NUBP1: variants seen among roughly 807,000 people sequenced by gnomAD.
The protein encoded by NUBP1 is cytosolic Fe-S cluster assembly factor NUBP1.
Under a neutral mutation model 41.8 loss-of-function variants are expected in NUBP1, and 46 were observed. That is an observed-to-expected ratio of 1.10 (90% CI 0.87 to 1.41). The LOEUF (loss-of-function observed/expected upper bound fraction) is 1.41, where lower values mean the gene tolerates loss of function less well. Among genes scored for constraint, NUBP1 ranks in the 40% most tolerant of loss-of-function variants. NUBP1 has a pLI of 0.00. For synonymous variants in NUBP1, 189 were observed against 154.6 expected (o/e 1.22, Z -1.65); for missense variants, 494 against 414.0 (o/e 1.19, Z -1.68).
intron 7 of NUBP1, among the ~76,000 whole-genome samples, chr16:10,758,714 G>A (rs960330622): frequency 6.6e-6 from 1 of 152,110 alleles, no homozygotes; most frequent in South Asian, 2.1e-4. Flanking sequence ...TGGATTTTCC[G>A]TTTACATCCC....
In NUBP1 at chr16:10,768,941, C is replaced by T; in HGVS notation, c.905-106C>T. ...ACACAGGTCTTTTTATGGAACTAGCCAGAGGATTCCACCCCTGTCAAAACA... is the reference window on the plus strand; with the variant it reads ...ACACAGGTCTTTTTATGGAACTAGCTAGAGGATTCCACCCCTGTCAAAACA... On this transcript the variant is annotated intron_variant, in intron 10 of 10. Transcript: ENST00000283027. The surrounding 1 kb of genome is among the most constrained non-coding windows in gnomAD (Gnocchi z 4.3). 1.0e-6 allele frequency: 1 copy of T among 966,374 alleles called. No homozygotes were observed. Among genetic ancestry groups the T allele is most frequent in the South Asian group, 1.4e-5 (1 of 70,618 alleles). 59.9% of individuals were successfully genotyped at this position (966,374 alleles called of 1,614,324 possible).
rs1317248269 is a variant in NUBP1 at position 10,743,942 on chromosome 16, T to C, written c.20-19T>C. ...AAAGTGTCGGGAGCTGCTCTAACTG[T>C]GGTCTTGTCTCTGCGCAGACTGTCC... On this transcript the variant is annotated intron_variant, in intron 1 of 10. Coordinates refer to ENST00000283027, the MANE Select transcript of NUBP1 (RefSeq NM_002484.4). 1 of 1,590,266 alleles carries C rather than the reference T, an allele frequency of 6.3e-7. No individual in the cohort carries two copies. The highest frequency in any genetic ancestry group is 2.3e-5 in the East Asian group (1 of 43,750).
chr16:10,767,353 T>A lies in NUBP1; in HGVS notation c.821-596T>A. The A allele has an allele frequency of 5.0e-6, 2 of 399,688 alleles. No individual in the cohort carries two copies. The highest frequency in any genetic ancestry group is 8.8e-6 in the Non-Finnish European group (2 of 226,918). 24.8% of individuals were successfully genotyped at this position (399,688 alleles called of 1,614,324 possible). Reference sequence around the variant, plus strand: ...CAATGGCCACATGGCGGGGAAAGACTAGCAGACTGATAGACACCAGCACAG... The same window carrying A: ...CAATGGCCACATGGCGGGGAAAGACAAGCAGACTGATAGACACCAGCACAG... On this transcript the variant is annotated intron_variant, in intron 9 of 10. Transcript: ENST00000283027. This position sits in a 1 kb window ranked among gnomAD's most constrained non-coding sequence, Gnocchi z 4.6.
At chr16:10,745,925 C>T (rs1900042604) in intron 2 of NUBP1, among the ~76,000 whole-genome samples, 1 of 152,172 alleles carries the variant, frequency 6.6e-6, no homozygotes, top group South Asian at 2.1e-4. Flanking sequence ...AGGAGTTAGA[C>T]TGAGGTTACA....
intron 2 of NUBP1, among the ~76,000 whole-genome samples, chr16:10,744,307 G>C (rs879383535): frequency 9.8e-5 from 15 of 152,366 alleles, no homozygotes; most frequent in Admixed American, 7.2e-4. Context: ...ACCTGGCGCG[G>C]ATGGAGGGTG....
At chr16:10,752,239 C>T (rs571115617) in intron 3 of NUBP1, among the ~76,000 whole-genome samples, 21 of 152,342 alleles carry the variant, frequency 1.4e-4, no homozygotes, top group African/African-American at 4.1e-4. Context: ...ACACTGCCGT[C>T]TCTTGGCTGT....
chr16:10,754,980 G>A lies in NUBP1; in HGVS notation c.328-741G>A, dbSNP rs1900487748. Among the ~76,000 whole-genome samples, 3 of 152,166 alleles carry A rather than the reference G, an allele frequency of 2.0e-5. No homozygotes were observed. The South Asian group carries it at 6.2e-4, about 32-fold the overall frequency. On this transcript the variant is annotated intron_variant, in intron 4 of 10. Transcript: ENST00000283027. ...GAATCACTTGAACCTGGGAGGTGGA[G>A]GTTGCAGTGAGTCAGGATCACGCCA... is the stretch of plus-strand genomic sequence containing the variant.
rs201078310 is a variant in NUBP1, at chr16:10,751,350, A to AGC, written c.259-1259_259-1258dup. ...GTCCCAAGTATCAAGGTCCGGAGAG[A>AGC]GCAAGTCAGGTTTTCCGATGATGTC... On this transcript the variant is annotated intron_variant, in intron 3 of 10. Transcript: ENST00000283027. Among the ~76,000 whole-genome samples the AGC allele has an allele frequency of 3.7e-3, 563 of 152,210 alleles. 7 individuals are homozygous for AGC. Among genetic ancestry groups the AGC allele is most frequent in the African/African-American group, 0.012 (510 of 41,526 alleles).
At position 10,765,882 on chromosome 16, in the gene NUBP1, T is replaced by C. The variant is rs921835423; in HGVS notation, c.821-2067T>C. Among the ~76,000 whole-genome samples the C allele has an allele frequency of 6.6e-6, 1 of 152,122 alleles. No individual in the cohort carries two copies. On this transcript the variant is annotated intron_variant, in intron 9 of 10. Transcript: ENST00000283027. This position sits in a 1 kb window ranked among gnomAD's most constrained non-coding sequence, Gnocchi z 4.0. ...GTGTCAAATGGCACATTGCAGAAGC[T>C]CACCTTGAGGGGAAGCCACAGATAG... is the stretch of plus-strand genomic sequence containing the variant.
intron 8 of NUBP1, 114 bp from the exon 9 acceptor site, chr16:10,761,643 G>T: frequency 1.0e-6 from 1 of 1,000,720 alleles, no homozygotes. Flanking sequence ...AGGTGTTAAG[G>T]GTTCCACATT....
intron 4 of NUBP1, among the ~76,000 whole-genome samples, chr16:10,754,628 C>T (rs1398797273): frequency 2.0e-5 from 3 of 152,162 alleles, no homozygotes; most frequent in Non-Finnish European, 4.4e-5. Context: ...CAGAATAGGT[C>T]AGTCCACAGT....
intron 7 of NUBP1, among the ~76,000 whole-genome samples, chr16:10,758,931 G>T (rs1349341352): frequency 6.6e-6 from 1 of 152,160 alleles, no homozygotes; most frequent in Non-Finnish European, 1.5e-5. Context: ...TGTAAGTCCT[G>T]CAGAGAGCAA....
chr16:10,757,760 A>T lies in NUBP1; in HGVS notation c.452-113A>T. ...GGAGGATTGCTTGAGCCTCAGAGTTAAGAGCCAACCTGGGCAACATAGCAA... is the reference window on the plus strand; with the variant it reads ...GGAGGATTGCTTGAGCCTCAGAGTTTAGAGCCAACCTGGGCAACATAGCAA... On this transcript the variant is annotated intron_variant, in intron 6 of 10. Coordinates refer to ENST00000283027, the MANE Select transcript of NUBP1 (RefSeq NM_002484.4). The surrounding 1 kb of genome is among the most constrained non-coding windows in gnomAD (Gnocchi z 4.1). 1 of 1,347,130 alleles carries T rather than the reference A, an allele frequency of 7.4e-7. No individual in the cohort carries two copies. Among genetic ancestry groups the T allele is most frequent in the Non-Finnish European group, 1.0e-6 (1 of 980,942 alleles). The allele number at this position is 1,347,130 out of a possible 1,614,324, so 83.4% of individuals were successfully genotyped here. A position where few individuals can be genotyped will look rare whatever the true frequency, so the allele number is the denominator to read the frequency against.
At chr16:10,746,979 A>G (rs1164867563) in intron 2 of NUBP1, among the ~76,000 whole-genome samples, 164 bp from the exon 3 acceptor site, 1 of 152,168 alleles carries the variant, frequency 6.6e-6, no homozygotes, top group Non-Finnish European at 1.5e-5. Context: ...TTTTCTTCCT[A>G]GCACTTATTT....
At position 10,743,999 on chromosome 16, in the gene NUBP1, G is replaced by T. The variant is rs1899932301; in HGVS notation, c.58G>T (p.Ala20Ser). The T allele has an allele frequency of 6.3e-7, 1 of 1,582,626 alleles. No homozygotes were observed. ...GADSAQAGRGASCQGCPNQRL... is the reference protein window; with the variant it reads ...GADSAQAGRGSSCQGCPNQRL... ...CGACAGCGCCCAGGCGGGCAGAGGG[G>T]CTTCATGTCAGGGATGCCCCAACCA... is the stretch of plus-strand genomic sequence containing the variant. The change falls in exon 2 of 11, where the codon GCT becomes TCT. Residue 20 changes from alanine to serine, a missense_variant. Ala to Ser is a moderately conservative substitution (Grantham distance 99). Coordinates refer to ENST00000283027, the MANE Select transcript of NUBP1 (RefSeq NM_002484.4).
chr16:10,761,664 C>CTTTTTTTTTTT (rs36097495), intron 8 of NUBP1, 93 bp from the exon 9 acceptor site: 1 of 811,736 alleles, frequency 1.2e-6, no homozygotes. Context: ...CAAACTAAGC[C>CTTTTTTTTTTT]TTTTTTTTTT....
chr16:10,758,734 T>A (rs1367068966), intron 7 of NUBP1, among the ~76,000 whole-genome samples: 2 of 152,168 alleles, frequency 1.3e-5, no homozygotes, highest in African/African-American at 4.8e-5. Flanking sequence ...CAGGATGATT[T>A]AGGAAATCTC....
intron 2 of NUBP1, 28 bp downstream of exon 2, chr16:10,744,093 A>T (rs973120906): frequency 1.3e-6 from 2 of 1,526,338 alleles, no homozygotes; most frequent in African/African-American, 2.8e-5. Context: ...CCTCAACAGG[A>T]ACTTAGAGGC....
Position 10,767,353 on chromosome 16 carries a change from T to G in NUBP1, c.821-596T>G, listed in dbSNP as rs2142836548. 1 of 399,690 alleles carries G rather than the reference T, an allele frequency of 2.5e-6. No homozygotes were observed. Among genetic ancestry groups the G allele is most frequent in the African/African-American group, 2.1e-5 (1 of 48,754 alleles). 24.8% of individuals were successfully genotyped at this position (399,690 alleles called of 1,614,324 possible). On this transcript the variant is annotated intron_variant, in intron 9 of 10. Coordinates refer to ENST00000283027, the MANE Select transcript of NUBP1 (RefSeq NM_002484.4). This position sits in a 1 kb window ranked among gnomAD's most constrained non-coding sequence, Gnocchi z 4.6. The stretch of plus-strand genomic sequence containing the variant: ...CAATGGCCACATGGCGGGGAAAGAC[T>G]AGCAGACTGATAGACACCAGCACAG...
Sources: allele counts gnomAD v4.1 joint callset (sites outside exome capture counted in the v4.1 genomes callset), GRCh38; gene constraint gnomAD v4.1.1; non-coding constraint Gnocchi (gnomAD v3.1); transcripts MANE v1.5; gene names NCBI Gene and HGNC (gene_info 2026-07-23, HGNC 2026-07-21).